The following SPECC1L variants were observed in gnomAD, a reference collection of about 807,000 sequenced individuals.
SPECC1L encodes the protein sperm antigen with calponin homology and coiled-coil domains 1 like.
In SPECC1L, 40 loss-of-function variants were observed where a neutral mutation model predicts 116.8. That is an observed-to-expected ratio of 0.34 (90% CI 0.27 to 0.45). The LOEUF (loss-of-function observed/expected upper bound fraction) is 0.45, where lower values mean the gene tolerates loss of function less well. Ranked by LOEUF, SPECC1L falls within the 20% of genes least tolerant of loss-of-function variation. The pLI is 1.00. For missense variants in SPECC1L, 1,110 were observed against 1,373.6 expected, an observed-to-expected ratio of 0.81 and a Z score of 3.03; for synonymous variants, 504 against 500.6, an observed-to-expected ratio of 1.01 and a Z score of -0.09.
At chr22:24,361,685 A>G (rs1875637648) in intron 11 of SPECC1L, among the ~76,000 whole-genome samples, 1 of 151,718 alleles carries the variant, frequency 6.6e-6, no homozygotes, top group South Asian at 2.1e-4. Flanking sequence ...AGTCCCAGGT[A>G]CTTGGGAGGC....
intron 4 of SPECC1L, among the ~76,000 whole-genome samples, chr22:24,317,388 C>T (rs1268647967): frequency 2.6e-5 from 3 of 114,356 alleles, no homozygotes; most frequent in African/African-American, 6.2e-5. Flanking sequence ...TAGGGGCGGC[C>T]GGGCAGAGGC....
chr22:24,336,939 A>G (rs186521247), intron 9 of SPECC1L, among the ~76,000 whole-genome samples: 14 of 152,340 alleles, frequency 9.2e-5, no homozygotes, highest in African/African-American at 3.1e-4. Context: ...GCCATTTATT[A>G]TAAAATAGGC....
intron 4 of SPECC1L, among the ~76,000 whole-genome samples, chr22:24,315,005 T>G (rs1214795550): frequency 6.6e-6 from 1 of 152,258 alleles, no homozygotes; most frequent in African/African-American, 2.4e-5. Flanking sequence ...TGCTCTCATA[T>G]TTTACTTCTT....
chr22:24,382,041 C>T (rs992341872), intron 14 of SPECC1L, among the ~76,000 whole-genome samples: 1 of 152,056 alleles, frequency 6.6e-6, no homozygotes, highest in African/African-American at 2.4e-5. Context: ...AATTAAAACT[C>T]AGTAAAGTAA....
intron 11 of SPECC1L, among the ~76,000 whole-genome samples, chr22:24,361,862 G>A (rs2041652195): frequency 6.6e-6 from 1 of 151,608 alleles, no homozygotes; most frequent in Non-Finnish European, 1.5e-5. Flanking sequence ...AGAGGAAGAG[G>A]AAGGAGGAGA....
At chr22:24,365,784 T>A in intron 13 of SPECC1L, 152 bp downstream of exon 13, 1 of 800,726 alleles carries the variant, frequency 1.2e-6, no homozygotes, top group Non-Finnish European at 2.1e-6. Flanking sequence ...CAGAATTGAG[T>A]AAATGGTATA....
intron 11 of SPECC1L, among the ~76,000 whole-genome samples, chr22:24,359,499 C>A (rs1302449330): frequency 3.3e-5 from 5 of 152,154 alleles, no homozygotes; most frequent in Admixed American, 6.6e-5. Context: ...TTTTTACCTT[C>A]ATATCCATCT....
At chr22:24,389,638 G>C (rs1040356237) in intron 14 of SPECC1L, among the ~76,000 whole-genome samples, 37 of 151,890 alleles carry the variant, frequency 2.4e-4, no homozygotes, top group Admixed American at 1.3e-3. Flanking sequence ...TCCTAAGCAA[G>C]GAAAAGAAGT....
Position 24,313,397 on chromosome 22 carries a change from C to A in SPECC1L, c.238C>A (p.Pro80Thr). 1 of 1,614,120 alleles carries A rather than the reference C, an allele frequency of 6.2e-7. No individual in the cohort carries two copies. The highest frequency in any genetic ancestry group is 8.5e-7 in the Non-Finnish European group (1 of 1,180,024). Residue 80 changes from proline (P) to threonine (T), a missense_variant, in exon 4 of 17, where the codon CCA becomes ACA. Physicochemically the swap from Pro to Thr is conservative, Grantham distance 38. Transcript: ENST00000314328. ...TGTTAAAGGAAAGAAAAGCACCTGCCCATCTGCAGCACCTTCAGCATCTGC... is the reference window on the plus strand; with the variant it reads ...TGTTAAAGGAAAGAAAAGCACCTGCACATCTGCAGCACCTTCAGCATCTGC... ...NGVKGKKSTC[P>T]SAAPSASAPA...
Position 24,414,710 on chromosome 22 carries a change from A to AAAGCT in SPECC1L, c.*88_*92dup. 8 of 1,188,102 alleles carry AAAGCT rather than the reference A, an allele frequency of 6.7e-6. No homozygotes were observed. In the South Asian group the frequency reaches 1.0e-4, roughly 15 times the overall value. The allele number at this position is 1,188,102 out of a possible 1,614,324, so 73.6% of individuals were successfully genotyped here. A position where few individuals can be genotyped will look rare whatever the true frequency, so the allele number is the denominator to read the frequency against. ...GACGCCATTAGCTACGCACCCCTGT[A>AAAGCT]AAGCTTCCAGCAACTCTGGGCTGCC... is the stretch of plus-strand genomic sequence containing the variant. On this transcript the variant is annotated 3_prime_UTR_variant, in exon 17 of 17. Transcript: ENST00000314328.
chr22:24,309,746 G>T, intron 3 of SPECC1L, among the ~76,000 whole-genome samples: 1 of 152,068 alleles, frequency 6.6e-6, no homozygotes, highest in East Asian at 1.9e-4. Context: ...AGAGTTTGAG[G>T]ATTTATGGTC....
At position 24,328,698 on chromosome 22, in the gene SPECC1L, T is replaced by G. The variant is rs1415127653; in HGVS notation, c.2147-148T>G. ...TGTTATTACTTGAATTTAACATTTT[T>G]TCTGTTAAAGTTTTGTATTAAAATT... On this transcript the variant is annotated intron_variant, in intron 6 of 16. Coordinates refer to ENST00000314328, the MANE Select transcript of SPECC1L (RefSeq NM_015330.6). The G allele has an allele frequency of 6.7e-6, 4 of 601,492 alleles. No individual in the cohort carries two copies. In the East Asian group the frequency reaches 1.2e-4, roughly 17 times the overall value. 37.3% of individuals were successfully genotyped at this position (601,492 alleles called of 1,614,324 possible). A position where few individuals can be genotyped will look rare whatever the true frequency, so the allele number is the denominator to read the frequency against.
At chr22:24,327,294 A>C (rs1171241641) in intron 6 of SPECC1L, among the ~76,000 whole-genome samples, 1 of 151,154 alleles carries the variant, frequency 6.6e-6, no homozygotes, top group Non-Finnish European at 1.5e-5. Flanking sequence ...AAAAAAAAAA[A>C]AAAAAAAACA....
intron 1 of SPECC1L, among the ~76,000 whole-genome samples, chr22:24,274,672 T>A (rs2048796827): frequency 6.6e-6 from 1 of 152,266 alleles, no homozygotes; most frequent in South Asian, 2.1e-4. Flanking sequence ...TCCTTTATTT[T>A]TTGGTTAAAT....
chr22:24,301,086 G>A (rs931640657), intron 2 of SPECC1L, among the ~76,000 whole-genome samples: 1 of 152,112 alleles, frequency 6.6e-6, no homozygotes, highest in African/African-American at 2.4e-5. Flanking sequence ...AACACCAAAA[G>A]CAATTGCAAC....
At chr22:24,300,785 C>A (rs2049361582) in intron 2 of SPECC1L, among the ~76,000 whole-genome samples, 1 of 152,138 alleles carries the variant, frequency 6.6e-6, no homozygotes, top group South Asian at 2.1e-4. Flanking sequence ...ACCAATGGAA[C>A]AGAACAGAGA....
chr22:24,381,941 A>G (rs1289738189), intron 14 of SPECC1L, among the ~76,000 whole-genome samples: 2 of 152,200 alleles, frequency 1.3e-5, no homozygotes, highest in Non-Finnish European at 2.9e-5. Context: ...TGTGTCAGGT[A>G]GTGTGCTGAG....
intron 14 of SPECC1L, among the ~76,000 whole-genome samples, chr22:24,388,279 G>A (rs1170522935): frequency 8.0e-6 from 1 of 124,752 alleles, no homozygotes; most frequent in African/African-American, 3.1e-5. Context: ...TCCCCTTCCT[G>A]TGTCCATGTG....
chr22:24,353,452 G>C (rs2041465811), intron 11 of SPECC1L, among the ~76,000 whole-genome samples: 1 of 151,874 alleles, frequency 6.6e-6, no homozygotes, highest in Non-Finnish European at 1.5e-5. Context: ...TGTTTGTTTT[G>C]TTTTTTGAGT....
Sources: gnomAD v4.1 joint callset for allele counts (sites outside exome capture counted in the v4.1 genomes callset) on GRCh38, gnomAD v4.1.1 for gene constraint, MANE v1.5 for transcripts, NCBI Gene and HGNC (gene_info 2026-07-23, HGNC 2026-07-21) for gene names.